SESN3: variants seen among roughly 807,000 people sequenced by gnomAD.
The protein encoded by SESN3 is sestrin 3.
A neutral mutation model predicts 55.3 loss-of-function variants in SESN3; 21 were observed. The observed-to-expected ratio is 0.38, with a 90% CI of 0.27 to 0.55. The LOEUF (loss-of-function observed/expected upper bound fraction) is 0.55. Among genes scored for constraint, SESN3 ranks in the 20% least tolerant of loss-of-function variants. SESN3 has a pLI of 0.76. For missense variants in SESN3, 408 were observed against 604.3 expected (o/e 0.68, Z 3.41); for synonymous variants, 181 against 203.1 (o/e 0.89, Z 0.93).
At chr11:95,183,540 T>C (rs1025662076) in intron 6 of SESN3, among the ~76,000 whole-genome samples, 1 of 151,844 alleles carries the variant, frequency 6.6e-6, no homozygotes, top group Non-Finnish European at 1.5e-5. Flanking sequence ...GAACTCTATT[T>C]TTAAAAAATA....
At chr11:95,216,110 G>GAAAAAAAAAAAAAAAAAAAAAAAAAAAAA (rs71036381) in intron 1 of SESN3, among the ~76,000 whole-genome samples, 2 of 122,208 alleles carry the variant, frequency 1.6e-5, no homozygotes, top group Non-Finnish European at 3.4e-5. Flanking sequence ...AAAAAAAAAA[G>GAAAAAAAAAAAAAAAAAAAAAAAAAAAAA]AAAAAAAAAA....
chr11:95,180,813 A>G (rs1482681027), intron 6 of SESN3, among the ~76,000 whole-genome samples: 1 of 152,046 alleles, frequency 6.6e-6, no homozygotes, highest in East Asian at 1.9e-4. Context: ...CAATCCCATA[A>G]CCACTTTATT....
At chr11:95,207,726 TATATCATATA>T (rs1168921881) in intron 1 of SESN3, among the ~76,000 whole-genome samples, 1 of 146,412 alleles carries the variant, frequency 6.8e-6, no homozygotes, top group East Asian at 1.9e-4. Context: ...ATTGTAGATA[TATATCATATA>T]ATATCATATA....
chr11:95,175,347 A>G, intron 9 of SESN3, 151 bp downstream of exon 9: 1 of 635,430 alleles, frequency 1.6e-6, no homozygotes, highest in Non-Finnish European at 2.5e-6. Flanking sequence ...CTGGCAAACA[A>G]ACAAGCAAAA....
intron 7 of SESN3, among the ~76,000 whole-genome samples, chr11:95,178,380 G>C (rs1469487254): frequency 6.6e-6 from 1 of 152,114 alleles, no homozygotes; most frequent in Admixed American, 6.5e-5. Flanking sequence ...ATGACTACTG[G>C]TATATGATTT....
intron 1 of SESN3, among the ~76,000 whole-genome samples, chr11:95,213,678 T>G (rs1406504929): frequency 1.3e-5 from 2 of 152,168 alleles, no homozygotes; most frequent in African/African-American, 4.8e-5. Context: ...CGTTATTGCT[T>G]CCAGTGTTCC....
Position 95,170,157 on chromosome 11 carries a change from C to T in SESN3, c.*3098G>A, listed in dbSNP as rs1859823131. ...CTCTTTTCCCCTAATAGTCATATAT[C>T]CACCTGAGGAAGCCTCGTCTGAAGA... On this transcript the variant is annotated 3_prime_UTR_variant, in exon 10 of 10. Coordinates refer to ENST00000536441, the MANE Select transcript of SESN3 (RefSeq NM_144665.4). 1 of 152,146 alleles carries T rather than the reference C, an allele frequency of 6.6e-6. No individual in the cohort carries two copies. Among genetic ancestry groups the T allele is most frequent in the South Asian group, 2.1e-4 (1 of 4,826 alleles). 9.4% of individuals were successfully genotyped at this position (152,146 alleles called of 1,614,324 possible).
At position 95,173,082 on chromosome 11, in the gene SESN3, A is replaced by C. The variant is rs1450977622; in HGVS notation, c.*173T>G. 1.3e-5 allele frequency: 6 copies of C among 471,820 alleles called. No homozygotes were observed. The highest frequency in any genetic ancestry group is 2.3e-5 in the Non-Finnish European group (6 of 258,574). 29.2% of individuals were successfully genotyped at this position (471,820 alleles called of 1,614,324 possible). A position where few individuals can be genotyped will look rare whatever the true frequency, so the allele number is the denominator to read the frequency against. ...TTAGTAATGTTAAGCATCAAGGAAAATAAAACACATCATTGCACATTACAG... is the reference window on the plus strand; with the variant it reads ...TTAGTAATGTTAAGCATCAAGGAAACTAAAACACATCATTGCACATTACAG... On this transcript the variant is annotated 3_prime_UTR_variant, in exon 10 of 10. Coordinates refer to ENST00000536441, the MANE Select transcript of SESN3 (RefSeq NM_144665.4).
chr11:95,231,345 G>T (rs2134279630), upstream of SESN3: 2 of 386,598 alleles, frequency 5.2e-6, no homozygotes, highest in East Asian at 7.4e-5. Context: ...GAGTCGCGCC[G>T]GCCAATCGCA....
intron 8 of SESN3, among the ~76,000 whole-genome samples, chr11:95,176,147 C>A (rs1174212072): frequency 6.6e-6 from 1 of 152,140 alleles, no homozygotes; most frequent in Non-Finnish European, 1.5e-5. Context: ...AATAAGATAA[C>A]TGGGAACTGA....
chr11:95,166,214 G>A lies in SESN3; in HGVS notation c.*7041C>T, dbSNP rs988362192. ...GAGTAAGAGACTGATATATATAGCA[G>A]TCTTAAAGATCACGTCATCTGCCTT... On this transcript the variant is annotated 3_prime_UTR_variant, in exon 10 of 10. Transcript: ENST00000536441. 1 of 151,442 alleles carries A rather than the reference G, an allele frequency of 6.6e-6. No homozygotes were observed. Among genetic ancestry groups the A allele is most frequent in the African/African-American group, 2.4e-5 (1 of 41,176 alleles). 9.4% of individuals were successfully genotyped at this position (151,442 alleles called of 1,614,324 possible). A position where few individuals can be genotyped will look rare whatever the true frequency, so the allele number is the denominator to read the frequency against.
chr11:95,191,697 C>A, intron 2 of SESN3, 96 bp from the exon 3 acceptor site: 3 of 834,996 alleles, frequency 3.6e-6, no homozygotes. Flanking sequence ...AATGAATATT[C>A]ATTTGATATT....
chr11:95,223,857 G>C (rs886773344), intron 1 of SESN3, among the ~76,000 whole-genome samples: 1 of 152,162 alleles, frequency 6.6e-6, no homozygotes, highest in African/African-American at 2.4e-5. Context: ...GGACCCCAAA[G>C]AGCCTTTGTT....
Position 95,230,829 on chromosome 11 carries a change from G to A in SESN3, c.32C>T (p.Ala11Val). 1 of 1,588,412 alleles carries A rather than the reference G, an allele frequency of 6.3e-7. No homozygotes were observed. Among genetic ancestry groups the A allele is most frequent in the Non-Finnish European group, 8.5e-7 (1 of 1,171,180 alleles). MNRGGGSPSA[A>V]ANYLLCTNCR... ...GTTGGTACAGAGCAGGTAGTTGGCG[G>A]CGGCCGACGGGCTGCCGCCGCCCCG... The change falls in exon 1 of 10, where the codon GCC (alanine) becomes GTC (valine). Residue 11 changes from alanine to valine, a missense_variant. Ala to Val is a moderately conservative substitution (Grantham distance 64). Coordinates refer to ENST00000536441, the MANE Select transcript of SESN3 (RefSeq NM_144665.4). This position sits in a 1 kb window ranked among gnomAD's most constrained non-coding sequence, Gnocchi z 4.6.
chr11:95,228,746 C>T (rs1860993584), intron 1 of SESN3, among the ~76,000 whole-genome samples: 1 of 152,088 alleles, frequency 6.6e-6, no homozygotes, highest in Non-Finnish European at 1.5e-5. Context: ...ATATTAAATA[C>T]CTTGGAGTTA....
intron 8 of SESN3, among the ~76,000 whole-genome samples, 182 bp from the exon 9 acceptor site, chr11:95,175,824 G>C (rs1025155362): frequency 2.6e-5 from 4 of 152,162 alleles, no homozygotes; most frequent in Non-Finnish European, 4.4e-5. Context: ...TGATATACTA[G>C]TGAACAAAAC....
rs1861034494 is a variant in SESN3 at position 95,230,468 on chromosome 11, G to A, written c.78+315C>T. 6.2e-6 allele frequency: 2 copies of A among 322,674 alleles called. No homozygotes were observed. The highest frequency in any genetic ancestry group is 1.1e-5 in the Non-Finnish European group (2 of 174,012). The allele number at this position is 322,674 out of a possible 1,614,324, so 20.0% of individuals were successfully genotyped here. A position where few individuals can be genotyped will look rare whatever the true frequency, so the allele number is the denominator to read the frequency against. ...ATCGAACGGATCCCTCCCGCCCTCC[G>A]CCCAAGGAGCCGACCCGGGGTAGCA... On this transcript the variant is annotated intron_variant, in intron 1 of 9. Coordinates refer to ENST00000536441, the MANE Select transcript of SESN3 (RefSeq NM_144665.4). The surrounding 1 kb of genome is among the most constrained non-coding windows in gnomAD (Gnocchi z 4.6).
intron 9 of SESN3, among the ~76,000 whole-genome samples, chr11:95,174,254 G>A (rs140591973): frequency 3.3e-5 from 5 of 152,108 alleles, no homozygotes; most frequent in Non-Finnish European, 7.4e-5. Flanking sequence ...TTCAAGCTTC[G>A]AAACTGTTGT....
chr11:95,193,501 G>A lies in SESN3; in HGVS notation c.100C>T (p.Gln34Ter). 6.3e-7 allele frequency: 1 copy of A among 1,591,760 alleles called. No homozygotes were observed. Among genetic ancestry groups the A allele is most frequent in the Admixed American group, 1.7e-5 (1 of 59,634 alleles). Residue 34 changes from glutamine to a stop codon, truncating the protein, a stop_gained, in exon 2 of 10, where the codon CAA becomes TAA. Coordinates refer to ENST00000536441, the MANE Select transcript of SESN3 (RefSeq NM_144665.4). LOFTEE classifies it high-confidence loss of function. ...GCACTTGGTCCTCTTGTCAAGGGTT[G>A]AGACACTCTGATTCTTTTATCCTAT... ...LRKDKRIRVS[Q>*]PLTRGPSAFI...
Sources: gnomAD v4.1 joint callset for allele counts (sites outside exome capture counted in the v4.1 genomes callset) on GRCh38, gnomAD v4.1.1 for gene constraint, Gnocchi (gnomAD v3.1) non-coding constraint, MANE v1.5 for transcripts, NCBI Gene and HGNC (gene_info 2026-07-23, HGNC 2026-07-21) for gene names.